JMJD1C: variants seen among roughly 807,000 people sequenced by gnomAD.
The protein encoded by JMJD1C is jumonji domain-containing protein 1C.
Under a neutral mutation model 245.3 loss-of-function variants are expected in JMJD1C, and 31 were observed. The ratio of observed to expected loss-of-function variants is 0.13; its 90% CI spans 0.09 to 0.17. The LOEUF is 0.17. Ranked by LOEUF, JMJD1C falls within the 10% of genes least tolerant of loss-of-function variation. The probability of loss-of-function intolerance (pLI) is 1.00; values close to 1 mark genes in which losing one functional copy is unlikely to be tolerated. For missense variants in JMJD1C, 2,691 were observed against 3,000.2 expected (o/e 0.90, Z 2.41); for synonymous variants, 1,057 against 1,017.4 (o/e 1.04, Z -0.74).
Position 63,231,165 on chromosome 10 carries a change from A to G in JMJD1C, c.448-11182T>C, listed in dbSNP as rs137885875. Reference sequence around the variant, plus strand: ...CTCAAGAAAAAACCTTAAACTATGCAAGCAAGATCTTAATGCACACAAATC... The same window carrying G: ...CTCAAGAAAAAACCTTAAACTATGCGAGCAAGATCTTAATGCACACAAATC... On this transcript the variant is annotated intron_variant, in intron 3 of 25. Transcript: ENST00000399262. 1.0e-3 allele frequency among the ~76,000 whole-genome samples: 157 copies of G among 152,318 alleles called. 1 individual carries two copies. The highest frequency in any genetic ancestry group is 3.5e-3 in the African/African-American group (144 of 41,574).
chr10:63,364,795 T>C (rs1945704684), intron 2 of JMJD1C, among the ~76,000 whole-genome samples: 3 of 152,182 alleles, frequency 2.0e-5, no homozygotes, highest in African/African-American at 4.8e-5. Context: ...GCACATGTTT[T>C]ACCAGACAAA....
chr10:63,388,011 T>A (rs1350861209), intron 1 of JMJD1C, among the ~76,000 whole-genome samples: 1 of 152,110 alleles, frequency 6.6e-6, no homozygotes, highest in Non-Finnish European at 1.5e-5. Context: ...GCTACCAAAT[T>A]TTCAAATTTT....
intron 2 of JMJD1C, among the ~76,000 whole-genome samples, chr10:63,374,306 T>C (rs1946546097): frequency 6.6e-6 from 1 of 152,130 alleles, no homozygotes; most frequent in African/African-American, 2.4e-5. Flanking sequence ...AACAACGAAA[T>C]ATTATTTTCA....
chr10:63,372,490 T>A (rs1946391577), intron 2 of JMJD1C, among the ~76,000 whole-genome samples: 1 of 152,206 alleles, frequency 6.6e-6, no homozygotes, highest in Non-Finnish European at 1.5e-5. Context: ...TATTTTTTAT[T>A]ATATATTGAC....
intron 17 of JMJD1C, 83 bp downstream of exon 17, chr10:63,190,811 G>A: frequency 1.0e-6 from 1 of 968,900 alleles, no homozygotes; most frequent in Non-Finnish European, 1.7e-6. Context: ...TCAGCATACT[G>A]GGTAGTTCAG....
At chr10:63,263,836 G>A (rs544949711) in intron 3 of JMJD1C, among the ~76,000 whole-genome samples, 1 of 151,692 alleles carries the variant, frequency 6.6e-6, no homozygotes, top group Admixed American at 6.6e-5. Flanking sequence ...GGAGGCTGAG[G>A]CAGGAGCATT....
chr10:63,222,812 G>T, intron 3 of JMJD1C: 1 of 1,445,460 alleles, frequency 6.9e-7, no homozygotes, highest in Non-Finnish European at 9.7e-7. Flanking sequence ...ATTAATGATT[G>T]AGACAGATGC....
intron 1 of JMJD1C, among the ~76,000 whole-genome samples, chr10:63,429,627 A>G (rs551296972): frequency 6.6e-6 from 1 of 152,326 alleles, no homozygotes; most frequent in African/African-American, 2.4e-5. Flanking sequence ...AAATGTTGTG[A>G]GCAAAGGTTT....
chr10:63,434,098 C>T (rs1950930796), intron 1 of JMJD1C, among the ~76,000 whole-genome samples: 1 of 152,102 alleles, frequency 6.6e-6, no homozygotes, highest in Non-Finnish European at 1.5e-5. Context: ...ACCAACAAAA[C>T]ACTTCTACAA....
At chr10:63,410,054 C>T (rs1362922943) in intron 1 of JMJD1C, among the ~76,000 whole-genome samples, 2 of 152,102 alleles carry the variant, frequency 1.3e-5, no homozygotes, top group Non-Finnish European at 2.9e-5. Context: ...GAAGTGTCTT[C>T]TCTAGATGTA....
At chr10:63,268,858 T>C in intron 2 of JMJD1C, 20 of 985,740 alleles carry the variant, frequency 2.0e-5, no homozygotes, top group Non-Finnish European at 2.3e-5. Context: ...GCGGCGTCAT[T>C]GTATAGGAAG....
chr10:63,213,903 T>C lies in JMJD1C; in HGVS notation c.2264A>G (p.His755Arg). The C allele has an allele frequency of 6.2e-7, 1 of 1,614,052 alleles. No individual in the cohort carries two copies. Among genetic ancestry groups the C allele is most frequent in the Non-Finnish European group, 8.5e-7 (1 of 1,180,004 alleles). Residue 755 changes from histidine (H) to arginine (R), a missense_variant, in exon 8 of 26, where the codon CAT (histidine) becomes CGT (arginine). This residue lies in a region of JMJD1C where 1,562 missense variants were observed against 1,490.7 expected (regional missense o/e 1.05). Transcript: ENST00000399262. The stretch of plus-strand genomic sequence containing the variant: ...ATGGGGTGCAGGAGTTAAGGCAGGA[T>C]GATGGGTACCTGGATTTAAACAGGT... The part of the protein sequence containing the change: ...HRTCLNPGTH[H>R]PALTPAPHLL...
At chr10:63,228,867 C>A (rs6479889) in intron 3 of JMJD1C, among the ~76,000 whole-genome samples, 95,599 of 151,864 alleles carry the variant, frequency 0.63, 32,829 homozygotes, top group Non-Finnish European at 0.78. Context: ...TTATTCTGGA[C>A]AATGCTTAGC....
chr10:63,194,671 T>C, intron 13 of JMJD1C: 1 of 260,578 alleles, frequency 3.8e-6, no homozygotes, highest in Non-Finnish European at 7.5e-6. Flanking sequence ...ATTAGTGACC[T>C]CTATCTTTGT....
intron 3 of JMJD1C, chr10:63,222,406 T>C: frequency 1.0e-6 from 1 of 954,628 alleles, no homozygotes; most frequent in South Asian, 1.3e-5. Context: ...GTGGTAAATT[T>C]GAAAAGAATA....
intron 2 of JMJD1C, among the ~76,000 whole-genome samples, chr10:63,351,874 C>T (rs529179402): frequency 6.6e-6 from 1 of 152,238 alleles, no homozygotes; most frequent in African/African-American, 2.4e-5. Flanking sequence ...TTTAGTGATA[C>T]AAAAAACTTC....
intron 2 of JMJD1C, among the ~76,000 whole-genome samples, chr10:63,333,853 CTTAG>C (rs1372005239): frequency 1.3e-5 from 2 of 152,030 alleles, no homozygotes; most frequent in East Asian, 3.9e-4. Flanking sequence ...GATATAATTT[CTTAG>C]TTAAATTTTG....
At position 63,168,030 on chromosome 10, in the gene JMJD1C, C is replaced by A; in HGVS notation, c.*15G>T. ...TCCCAGTTCAACAACCTAAAAATAT[C>A]AAACTGGATCACACTTAATTTTCTT... is the stretch of plus-strand genomic sequence containing the variant. On this transcript the variant is annotated 3_prime_UTR_variant, in exon 26 of 26. Transcript: ENST00000399262. 2.1e-6 allele frequency: 3 copies of A among 1,434,420 alleles called. No individual in the cohort carries two copies. Among genetic ancestry groups the A allele is most frequent in the South Asian group, 1.1e-5 (1 of 87,306 alleles). The allele number at this position is 1,434,420 out of a possible 1,614,324, so 88.9% of individuals were successfully genotyped here. A position where few individuals can be genotyped will look rare whatever the true frequency, so the allele number is the denominator to read the frequency against.
At chr10:63,403,820 C>T (rs1949006003) in intron 1 of JMJD1C, among the ~76,000 whole-genome samples, 1 of 152,192 alleles carries the variant, frequency 6.6e-6, no homozygotes, top group Non-Finnish European at 1.5e-5. Context: ...CCTGTAATTC[C>T]AGCACTTTGG....
Sources: allele counts gnomAD v4.1 joint callset (sites outside exome capture counted in the v4.1 genomes callset), GRCh38; gene constraint gnomAD v4.1.1; regional missense constraint gnomAD v4.1.1; transcripts MANE v1.5; gene names NCBI Gene and HGNC (gene_info 2026-07-23, HGNC 2026-07-21).